PTPRU: variants seen among roughly 807,000 people sequenced by gnomAD.
The protein encoded by PTPRU is receptor-type tyrosine-protein phosphatase U.
In PTPRU, 69 loss-of-function variants were observed where a neutral mutation model predicts 166.3. The observed-to-expected ratio is 0.41, with a 90% CI of 0.34 to 0.51. The LOEUF is 0.51. PTPRU is among the 20% of genes least tolerant of loss of function. The pLI, the probability that PTPRU is intolerant of heterozygous loss-of-function variation, is 0.09. For missense variants in PTPRU, 1,657 were observed against 2,013.7 expected, an observed-to-expected ratio of 0.82 and a Z score of 3.39; for synonymous variants, 793 against 814.0, an observed-to-expected ratio of 0.97 and a Z score of 0.44.
Position 29,280,158 on chromosome 1 carries a change from G to A in PTPRU, c.1868+17G>A, listed in dbSNP as rs779196122. The stretch of plus-strand genomic sequence containing the variant: ...GCCCATCAGGTGGGAAAGCGGGGAC[G>A]GAGGGGTGGGAGTCCAGGGCCTTAG... On this transcript the variant is annotated intron_variant, in intron 11 of 29. Coordinates refer to ENST00000373779, the MANE Select transcript of PTPRU (RefSeq NM_133178.4). This position sits in a 1 kb window ranked among gnomAD's most constrained non-coding sequence, Gnocchi z 4.2. 13 of 1,585,790 alleles carry A rather than the reference G, an allele frequency of 8.2e-6. No individual in the cohort carries two copies. The highest frequency in any genetic ancestry group is 4.0e-5 in the African/African-American group (3 of 74,324).
chr1:29,322,446 G>A (rs1489922950), intron 26 of PTPRU, among the ~76,000 whole-genome samples: 1 of 152,204 alleles, frequency 6.6e-6, no homozygotes, highest in Non-Finnish European at 1.5e-5. Context: ...GCTTCCTGGA[G>A]GAGGTAGTGT....
intron 14 of PTPRU, among the ~76,000 whole-genome samples, chr1:29,287,810 A>T (rs1486204270): frequency 6.7e-6 from 1 of 148,638 alleles, no homozygotes; most frequent in Non-Finnish European, 1.5e-5. Flanking sequence ...GTTAGCCAGG[A>T]TGGGTATGTA....
At chr1:29,305,659 A>G (rs1362073806) in intron 18 of PTPRU, 3 of 719,604 alleles carry the variant, frequency 4.2e-6, no homozygotes, top group East Asian at 5.4e-5. Flanking sequence ...GGTGCTTTAG[A>G]GAAGCAAAGC....
rs1362201750 is a variant in PTPRU at position 29,291,966 on chromosome 1, C to G, written c.2416C>G (p.Leu806Val). 6 of 1,614,084 alleles carry G rather than the reference C, an allele frequency of 3.7e-6. No homozygotes were observed. Among genetic ancestry groups the G allele is most frequent in the Non-Finnish European group, 5.1e-6 (6 of 1,180,048 alleles). ...CCGCAGCTTCACAGACCAGAGCACC[C>G]TGCAGGAGGACGAGCGGCTGGGCCT... ...VDRSFTDQST[L>V]QEDERLGLSF... The change falls in exon 15 of 30, where the codon CTG (leucine) becomes GTG (valine). Residue 806 changes from leucine to valine, a missense_variant. This residue lies in a region of PTPRU where 1,190 missense variants were observed against 1,477.4 expected (regional missense o/e 0.81). Coordinates refer to ENST00000373779, the MANE Select transcript of PTPRU (RefSeq NM_133178.4). The surrounding 1 kb of genome is among the most constrained non-coding windows in gnomAD (Gnocchi z 4.1).
chr1:29,305,176 A>AC (rs1013567284), intron 17 of PTPRU, among the ~76,000 whole-genome samples, 176 bp from the exon 18 acceptor site: 1 of 152,006 alleles, frequency 6.6e-6, no homozygotes, highest in Non-Finnish European at 1.5e-5. Flanking sequence ...CCCAGGCTCT[A>AC]CCCCCTGGTG....
intron 7 of PTPRU, among the ~76,000 whole-genome samples, chr1:29,273,130 G>A (rs1685643956): frequency 6.6e-6 from 1 of 152,100 alleles, no homozygotes; most frequent in African/African-American, 2.4e-5. Flanking sequence ...CAGTCTTGGT[G>A]TCTTCCCTCA....
At position 29,238,101 on chromosome 1, in the gene PTPRU, T is replaced by C. The variant is rs1683865856; in HGVS notation, c.73+1384T>C. On this transcript the variant is annotated intron_variant, in intron 1 of 29. Transcript: ENST00000373779. This position sits in a 1 kb window ranked among gnomAD's most constrained non-coding sequence, Gnocchi z 6.1. ...GTGAGCGTGAGTGTGAGCGTGTGGC[T>C]CCGCGCTTGTCTGCTGTGTGGTCGC... Among the ~76,000 whole-genome samples, 1 of 151,814 alleles carries C rather than the reference T, an allele frequency of 6.6e-6. No homozygotes were observed. Among genetic ancestry groups the C allele is most frequent in the Non-Finnish European group, 1.5e-5 (1 of 67,926 alleles).
intron 7 of PTPRU, among the ~76,000 whole-genome samples, chr1:29,266,916 A>G (rs1421962337): frequency 2.0e-5 from 3 of 151,998 alleles, no homozygotes; most frequent in African/African-American, 7.2e-5. Context: ...TTTCACTCAC[A>G]CGTGCATCAA....
At chr1:29,278,128 C>T (rs567844119) in intron 8 of PTPRU, among the ~76,000 whole-genome samples, 1 of 152,110 alleles carries the variant, frequency 6.6e-6, no homozygotes, top group Non-Finnish European at 1.5e-5. Flanking sequence ...GCCAGTTGTC[C>T]TTCTTAAGAG....
chr1:29,315,955 C>G lies in PTPRU; in HGVS notation c.3364-47C>G. 1 of 1,604,832 alleles carries G rather than the reference C, an allele frequency of 6.2e-7. No individual in the cohort carries two copies. The highest frequency in any genetic ancestry group is 8.5e-7 in the Non-Finnish European group (1 of 1,174,512). ...GCTTAAGCCCCATCACCACAGATCT[C>G]CAGCTTCTAGGCCCCTCCTCGGCCT... is the stretch of plus-strand genomic sequence containing the variant. On this transcript the variant is annotated intron_variant, in intron 23 of 29. Coordinates refer to ENST00000373779, the MANE Select transcript of PTPRU (RefSeq NM_133178.4). The surrounding 1 kb of genome is among the most constrained non-coding windows in gnomAD (Gnocchi z 4.5).
chr1:29,240,812 C>G (rs930946601), intron 1 of PTPRU, among the ~76,000 whole-genome samples: 1 of 133,856 alleles, frequency 7.5e-6, no homozygotes, highest in Non-Finnish European at 1.5e-5. Context: ...CCCGCAGGGC[C>G]CTGTGTTAGG....
rs200069574 is a variant in PTPRU at position 29,305,426 on chromosome 1, G to A, written c.2818G>A (p.Asp940Asn). ...NADYINANYI[D>N]GYHRSNHFIA... ...CGACTACATTAATGCCAACTACATA[G>A]ATGTGAGTGCCTTGCCCTGTCATTT... The change falls in exon 18 of 30, where the codon GAT becomes AAT. Residue 940 changes from aspartate (D) to asparagine (N), a missense_variant and splice_region_variant. By Grantham distance (23) the Asp-to-Asn change is conservative. Around this residue, in one of 3 missense-constraint regions of PTPRU, gnomAD observed 1,190 missense variants for 1,477.4 expected, o/e 0.81. Coordinates refer to ENST00000373779, the MANE Select transcript of PTPRU (RefSeq NM_133178.4). 1.3e-5 allele frequency: 21 copies of A among 1,613,420 alleles called. No homozygotes were observed. The East Asian group carries it at 4.7e-4, about 36-fold the overall frequency.
At chr1:29,253,387 G>C (rs1052933148) in intron 1 of PTPRU, among the ~76,000 whole-genome samples, 1 of 152,074 alleles carries the variant, frequency 6.6e-6, no homozygotes, top group Non-Finnish European at 1.5e-5. Flanking sequence ...CCTTCCTCTA[G>C]GGTATGGGGC....
At chr1:29,259,379 G>T (rs1247652408) in intron 4 of PTPRU, 37 bp downstream of exon 4, 3 of 1,611,172 alleles carry the variant, frequency 1.9e-6, no homozygotes, top group African/African-American at 2.7e-5. Context: ...GGGGTAAGGG[G>T]TGTGGGCGGC....
chr1:29,240,241 G>A (rs1435180775), intron 1 of PTPRU, among the ~76,000 whole-genome samples: 1 of 151,964 alleles, frequency 6.6e-6, no homozygotes, highest in South Asian at 2.1e-4. Context: ...GGGGGGTGGG[G>A]GTCAATTGGA....
intron 16 of PTPRU, 24 bp from the exon 17 acceptor site, chr1:29,304,750 G>T: frequency 6.3e-7 from 1 of 1,589,682 alleles, no homozygotes; most frequent in South Asian, 1.1e-5. Flanking sequence ...CTCTCCCACT[G>T]ACCACCACTT....
chr1:29,313,786 TC>T, intron 22 of PTPRU, among the ~76,000 whole-genome samples: 1 of 152,196 alleles, frequency 6.6e-6, no homozygotes, highest in African/African-American at 2.4e-5. Context: ...GTATGGGAGT[TC>T]CAGGTTACAG....
chr1:29,325,353 C>T (rs371997119), intron 29 of PTPRU, 27 bp downstream of exon 29: 5 of 1,612,076 alleles, frequency 3.1e-6, no homozygotes, highest in Admixed American at 1.7e-5. Context: ...CGTGCCCAGC[C>T]ACTTCCACCT....
At position 29,260,624 on chromosome 1, in the gene PTPRU, A is replaced by G; in HGVS notation, c.865A>G (p.Ile289Val). ...ELIVKEPPTP[I>V]APPQLLRAGP... ...TCTCCTCGCAGAGCCCCCAACTCCC[A>G]TCGCGCCCCCACAGCTGCTGCGTGC... is the stretch of plus-strand genomic sequence containing the variant. Residue 289 changes from isoleucine to valine, a missense_variant, in exon 7 of 30, where the codon ATC (isoleucine) becomes GTC (valine). By Grantham distance (29) the Ile-to-Val change is conservative (BLOSUM62 3). Around this residue, in one of 3 missense-constraint regions of PTPRU, gnomAD observed 453 missense variants for 496.9 expected, o/e 0.91. Coordinates refer to ENST00000373779, the MANE Select transcript of PTPRU (RefSeq NM_133178.4). This position sits in a 1 kb window ranked among gnomAD's most constrained non-coding sequence, Gnocchi z 8.3. 6.7e-7 allele frequency: 1 copy of G among 1,499,168 alleles called. No homozygotes were observed. The highest frequency in any genetic ancestry group is 1.3e-5 in the South Asian group (1 of 74,526). 92.9% of individuals were successfully genotyped at this position (1,499,168 alleles called of 1,614,324 possible). A position where few individuals can be genotyped will look rare whatever the true frequency, so the allele number is the denominator to read the frequency against.
Sources: allele counts gnomAD v4.1 joint callset (sites outside exome capture counted in the v4.1 genomes callset), GRCh38; gene constraint gnomAD v4.1.1; regional missense constraint gnomAD v4.1.1; non-coding constraint Gnocchi (gnomAD v3.1); transcripts MANE v1.5; gene names NCBI Gene and HGNC (gene_info 2026-07-23, HGNC 2026-07-21).